The following MMEL1 variants were observed in gnomAD, a reference collection of about 807,000 sequenced individuals.
MMEL1 encodes the protein membrane metalloendopeptidase like 1, also known as membrane metallo-endopeptidase-like 1.
Under a neutral mutation model 117.1 loss-of-function variants are expected in MMEL1, and 98 were observed. That is an observed-to-expected ratio of 0.84 (90% confidence interval 0.71 to 0.99). The LOEUF is 0.99. MMEL1 is among the 50% of genes least tolerant of loss of function. MMEL1 has a pLI of 0.00. For missense variants in MMEL1, 1,014 were observed against 1,049.1 expected (o/e 0.97, Z 0.46); for synonymous variants, 390 against 415.1 (o/e 0.94, Z 0.74).
intron 2 of MMEL1, among the ~76,000 whole-genome samples, chr1:2,628,449 G>A (rs1638374158): frequency 6.6e-6 from 1 of 152,242 alleles, no homozygotes; most frequent in South Asian, 2.1e-4. Flanking sequence ...GTTGGACCTG[G>A]GGTGCGAGGT....
At position 2,598,275 on chromosome 1, in the gene MMEL1, G is replaced by A. The variant is rs377326826; in HGVS notation, c.1204C>T (p.Arg402Cys). ...ARTIQNYLVW[R>C]LVLDRIGSLS... ...CTACCAATGCGGTCCAGCACCAGGC[G>A]CCAGACCAGGTAGTTCTGTATGGTC... The change falls in exon 13 of 24, where the codon CGC becomes TGC. Residue 402 changes from arginine (R) to cysteine (C), a missense_variant. By Grantham distance (180) the Arg-to-Cys change is radical. Coordinates refer to ENST00000378412, the MANE Select transcript of MMEL1 (RefSeq NM_033467.4). 1.9e-5 allele frequency: 30 copies of A among 1,613,980 alleles called. No individual in the cohort carries two copies. Among genetic ancestry groups the A allele is most frequent in the South Asian group, 5.5e-5 (5 of 91,088 alleles).
chr1:2,616,204 T>TGATG (rs1255256423), intron 2 of MMEL1, among the ~76,000 whole-genome samples: 2 of 151,816 alleles, frequency 1.3e-5, no homozygotes, highest in Non-Finnish European at 2.9e-5. Flanking sequence ...TAGCTGGGCA[T>TGATG]GATGGTGGAC....
chr1:2,616,644 A>G (rs1207103086), intron 2 of MMEL1, among the ~76,000 whole-genome samples: 1 of 152,230 alleles, frequency 6.6e-6, no homozygotes, highest in East Asian at 1.9e-4. Context: ...ACACGAAACC[A>G]GTGGGAAGAC....
At chr1:2,611,862 G>C (rs115048130) in intron 3 of MMEL1, among the ~76,000 whole-genome samples, 3 of 152,172 alleles carry the variant, frequency 2.0e-5, no homozygotes, top group Admixed American at 6.5e-5. Flanking sequence ...GCCCCGGCCT[G>C]CCCCACCCCT....
rs369595771 is a variant in MMEL1, at chr1:2,595,458, C to T, written c.1501-99G>A. 25 of 1,002,194 alleles carry T rather than the reference C, an allele frequency of 2.5e-5. No homozygotes were observed. Among genetic ancestry groups the T allele is most frequent in the Middle Eastern group, 2.2e-4 (1 of 4,626 alleles). The allele number at this position is 1,002,194 out of a possible 1,614,324, so 62.1% of individuals were successfully genotyped here. On this transcript the variant is annotated intron_variant, in intron 15 of 23. Coordinates refer to ENST00000378412, the MANE Select transcript of MMEL1 (RefSeq NM_033467.4). The surrounding 1 kb of genome is among the most constrained non-coding windows in gnomAD (Gnocchi z 4.8). Reference sequence around the variant, plus strand: ...TGCCACACTGTGGGAGGGGTCAGCCCGGGGCATCCTGGCTGTGCTCTCCCT... The same window carrying T: ...TGCCACACTGTGGGAGGGGTCAGCCTGGGGCATCCTGGCTGTGCTCTCCCT...
At chr1:2,600,722 GT>G (rs143624400) in intron 11 of MMEL1, among the ~76,000 whole-genome samples, 2 of 150,610 alleles carry the variant, frequency 1.3e-5, no homozygotes, top group African/African-American at 4.9e-5. Flanking sequence ...CAACCCCCCT[GT>G]TTTTTTACAA....
intron 22 of MMEL1, 70 bp downstream of exon 22, chr1:2,591,862 C>T: frequency 6.8e-7 from 1 of 1,474,340 alleles, no homozygotes. Flanking sequence ...CCTGGAGGTG[C>T]CCCAGAGTGG....
chr1:2,602,843 C>T (rs780829891), intron 11 of MMEL1, among the ~76,000 whole-genome samples: 8 of 152,112 alleles, frequency 5.3e-5, no homozygotes, highest in Non-Finnish European at 1.0e-4. Flanking sequence ...CAAGGCTTTA[C>T]CTCCTGTCTG....
At chr1:2,629,828 C>A (rs28731053) in intron 1 of MMEL1, 6,702 of 212,616 alleles carry the variant, frequency 0.032, 154 homozygotes, top group Non-Finnish European at 0.043. Flanking sequence ...GAGCCCCCCC[C>A]CTGGGCTGCT....
chr1:2,591,992 G>A lies in MMEL1; in HGVS notation c.2103C>T (p.Asp701=). Residue 701 remains aspartate, a synonymous_variant, in exon 22 of 24, where the codon GAC becomes GAT. Coordinates refer to ENST00000378412, the MANE Select transcript of MMEL1 (RefSeq NM_033467.4). ...TGAGATCCAGGCCGGGCAGCTGCTG[G>A]TCCTTGCCACCCTCTGCCATCCACT... ...YLKWMAEGGK[D]QQLPGLDLTH... 6.2e-7 allele frequency: 1 copy of A among 1,613,328 alleles called. No homozygotes were observed. The highest frequency in any genetic ancestry group is 8.5e-7 in the Non-Finnish European group (1 of 1,179,862).
intron 17 of MMEL1, 31 bp from the exon 18 acceptor site, chr1:2,594,474 G>A (rs1644799055): frequency 3.9e-6 from 6 of 1,550,700 alleles, no homozygotes; most frequent in South Asian, 3.6e-5. Context: ...TCTGGGAGCC[G>A]CCTCTCCGGG....
In MMEL1 at chr1:2,595,019, TG is replaced by T. The variant is rs201752067; in HGVS notation, c.1585-127del. ...AGGCGTCCGCACGTGGACAGTCGGC[TG>T]TGGGTGCAGGTGAACGGGGCAGCCC... On this transcript the variant is annotated intron_variant, in intron 16 of 23. Coordinates refer to ENST00000378412, the MANE Select transcript of MMEL1 (RefSeq NM_033467.4). This position sits in a 1 kb window ranked among gnomAD's most constrained non-coding sequence, Gnocchi z 4.8. The T allele has an allele frequency of 0.015, 12,209 of 803,664 alleles. 147 individuals are homozygous for T. The highest frequency in any genetic ancestry group is 0.022 in the Admixed American group (887 of 39,444). 49.8% of individuals were successfully genotyped at this position (803,664 alleles called of 1,614,324 possible).
At chr1:2,624,024 C>T (rs536178666) in intron 2 of MMEL1, among the ~76,000 whole-genome samples, 7 of 152,132 alleles carry the variant, frequency 4.6e-5, no homozygotes, top group African/African-American at 1.4e-4. Flanking sequence ...AGGCACAGGG[C>T]GAAGCTTGGT....
chr1:2,602,925 G>C (rs1055688515), intron 11 of MMEL1, among the ~76,000 whole-genome samples: 15 of 152,210 alleles, frequency 9.9e-5, no homozygotes, highest in Admixed American at 7.2e-4. Flanking sequence ...CCGCTTTTCT[G>C]TCCCTCTCCC....
intron 1 of MMEL1, among the ~76,000 whole-genome samples, chr1:2,632,121 C>T (rs907748363): frequency 3.3e-5 from 5 of 151,186 alleles, no homozygotes; most frequent in African/African-American, 9.7e-5. Flanking sequence ...GGCAGGCCTC[C>T]CAGATTCCTG....
At chr1:2,622,178 G>A (rs1645299769) in intron 2 of MMEL1, among the ~76,000 whole-genome samples, 1 of 152,118 alleles carries the variant, frequency 6.6e-6, no homozygotes, top group Non-Finnish European at 1.5e-5. Flanking sequence ...ACTGAGGGAG[G>A]GCCCAATGTC....
intron 2 of MMEL1, among the ~76,000 whole-genome samples, chr1:2,628,497 G>A (rs1235919679): frequency 6.6e-6 from 1 of 152,170 alleles, no homozygotes; most frequent in Non-Finnish European, 1.5e-5. Flanking sequence ...GCCACGGTGG[G>A]AGCGCCCTAC....
intron 11 of MMEL1, among the ~76,000 whole-genome samples, chr1:2,600,523 A>G (rs887151056): frequency 4.0e-5 from 5 of 125,318 alleles, no homozygotes. Flanking sequence ...ACATAGAGAA[A>G]CCCTGTTTCT....
chr1:2,619,227 A>G (rs971728685), intron 2 of MMEL1, among the ~76,000 whole-genome samples: 1 of 152,228 alleles, frequency 6.6e-6, no homozygotes, highest in African/African-American at 2.4e-5. Context: ...AGCCCAACCT[A>G]GGTCAGATGA....
Sources: gnomAD v4.1 joint callset for allele counts (sites outside exome capture counted in the v4.1 genomes callset) on GRCh38, gnomAD v4.1.1 for gene constraint, Gnocchi (gnomAD v3.1) non-coding constraint, MANE v1.5 for transcripts, NCBI Gene and HGNC (gene_info 2026-07-23, HGNC 2026-07-21) for gene names.